EBF1: variants seen among roughly 807,000 people sequenced by gnomAD.
EBF1 encodes the protein transcription factor COE1.
In EBF1, 10 loss-of-function variants were observed where a neutral mutation model predicts 68.4. The observed-to-expected ratio is 0.15, with a 90% CI of 0.09 to 0.25. EBF1 has a LOEUF of 0.25. EBF1 is among the 10% of genes least tolerant of loss of function. The pLI is 1.00. For missense variants in EBF1, 509 were observed against 794.4 expected (o/e 0.64, Z 4.32); for synonymous variants, 298 against 299.8 (o/e 0.99, Z 0.06).
intron 6 of EBF1, among the ~76,000 whole-genome samples, chr5:158,939,765 G>A (rs1301341531): frequency 6.9e-6 from 1 of 144,062 alleles, no homozygotes; most frequent in Non-Finnish European, 1.5e-5. Context: ...GGGGGTGGGG[G>A]AGGCTGCGAG....
At chr5:159,077,380 A>G (rs1778964092) in intron 5 of EBF1, among the ~76,000 whole-genome samples, 1 of 152,192 alleles carries the variant, frequency 6.6e-6, no homozygotes, top group South Asian at 2.1e-4. Context: ...CGGAGGTTAC[A>G]GTGACCTGAT....
intron 6 of EBF1, among the ~76,000 whole-genome samples, chr5:158,840,425 T>C (rs1288314500): frequency 6.6e-6 from 1 of 152,170 alleles, no homozygotes; most frequent in East Asian, 1.9e-4. Flanking sequence ...TTGGATATAA[T>C]TGTCTGAGAA....
intron 10 of EBF1, among the ~76,000 whole-genome samples, chr5:158,748,266 A>G (rs561710476): frequency 1.3e-5 from 2 of 152,262 alleles, no homozygotes; most frequent in East Asian, 3.9e-4. Context: ...ATGGGAAATG[A>G]CACACGCTTC....
At chr5:158,707,882 CTGATACCCTCAGCAATGG>C in intron 15 of EBF1, 79 bp downstream of exon 15, 1 of 1,387,544 alleles carries the variant, frequency 7.2e-7, no homozygotes, top group East Asian at 2.5e-5. Flanking sequence ...GGGCCCAAGG[CTGATACCCTCAGCAATGG>C]TGATGCATCT....
chr5:158,764,741 T>C (rs1772272945), intron 10 of EBF1, among the ~76,000 whole-genome samples: 1 of 152,186 alleles, frequency 6.6e-6, no homozygotes, highest in Non-Finnish European at 1.5e-5. Context: ...ATTATGTTCA[T>C]AGAAAACTAA....
intron 6 of EBF1, among the ~76,000 whole-genome samples, chr5:158,949,987 C>T (rs925478815): frequency 8.5e-5 from 13 of 152,208 alleles, no homozygotes; most frequent in African/African-American, 1.2e-4. Flanking sequence ...GACAGGTTCA[C>T]GTTGTATCAC....
intron 6 of EBF1, among the ~76,000 whole-genome samples, chr5:159,041,631 T>C (rs1771218538): frequency 6.6e-6 from 1 of 152,216 alleles, no homozygotes; most frequent in Admixed American, 6.5e-5. Flanking sequence ...ACATTAGATA[T>C]TCACACCTGC....
intron 6 of EBF1, 66 bp from the exon 7 acceptor site, chr5:158,840,176 A>C (rs1789889351): frequency 4.1e-6 from 5 of 1,232,702 alleles, no homozygotes; most frequent in Non-Finnish European, 6.0e-6. Flanking sequence ...AAAAGAGGTA[A>C]GTCACCCCTG....
At chr5:159,019,262 C>A (rs1766204854) in intron 6 of EBF1, 1 of 152,202 alleles carries the variant, frequency 6.6e-6, no homozygotes, top group Admixed American at 6.5e-5. Flanking sequence ...TGTAAAAATT[C>A]TAAATCTCTG....
rs148613868 is a variant in EBF1 at position 158,867,598 on chromosome 5, A to C, written c.555-27488T>G. On this transcript the variant is annotated intron_variant, in intron 6 of 15. Transcript: ENST00000313708. Reference sequence around the variant, plus strand: ...AAGGCCTGAGATTTCCTTGGGAATCAATCTGCATACAAGGTCACAGCTCTG... The same window carrying C: ...AAGGCCTGAGATTTCCTTGGGAATCCATCTGCATACAAGGTCACAGCTCTG... Among the ~76,000 whole-genome samples, 1,051 of 152,274 alleles carry C rather than the reference A, an allele frequency of 6.9e-3. 8 individuals are homozygous for C. The highest frequency in any genetic ancestry group is 0.023 in the African/African-American group (967 of 41,558).
At chr5:158,773,326 A>G (rs1774285426) in intron 10 of EBF1, among the ~76,000 whole-genome samples, 1 of 152,198 alleles carries the variant, frequency 6.6e-6, no homozygotes, top group African/African-American at 2.4e-5. Flanking sequence ...TACAAACAGG[A>G]AGTATTTCCA....
intron 6 of EBF1, among the ~76,000 whole-genome samples, chr5:158,975,478 G>A (rs1025124716): frequency 3.5e-4 from 53 of 152,154 alleles, no homozygotes; most frequent in African/African-American, 1.1e-3. Flanking sequence ...TTTTTTAAAC[G>A]AAAGAGTTTT....
rs1804046164 is a variant in EBF1 at position 158,904,137 on chromosome 5, T to C, written c.555-64027A>G. On this transcript the variant is annotated intron_variant, in intron 6 of 15. Transcript: ENST00000313708. ...GCAAGGGGAAGGAATGCTTGAGTGG[T>C]GCCTCAGAGCTCACAGAGCCAATCT... Among the ~76,000 whole-genome samples, 4 of 152,308 alleles carry C rather than the reference T, an allele frequency of 2.6e-5. No homozygotes were observed. The South Asian group carries it at 8.3e-4, about 32-fold the overall frequency.
intron 6 of EBF1, among the ~76,000 whole-genome samples, chr5:159,040,886 T>C (rs1477880983): frequency 6.6e-6 from 1 of 152,208 alleles, no homozygotes; most frequent in Non-Finnish European, 1.5e-5. Flanking sequence ...GGGTGACATA[T>C]ACTCATGTAG....
At chr5:158,892,450 C>T (rs1801366339) in intron 6 of EBF1, among the ~76,000 whole-genome samples, 1 of 152,142 alleles carries the variant, frequency 6.6e-6, no homozygotes, top group Non-Finnish European at 1.5e-5. Flanking sequence ...GATTGTGCTA[C>T]TGCATTCCAT....
chr5:158,864,331 T>C (rs947678408), intron 6 of EBF1, among the ~76,000 whole-genome samples: 1 of 151,372 alleles, frequency 6.6e-6, no homozygotes, highest in Non-Finnish European at 1.5e-5. Flanking sequence ...TTACTTAAAA[T>C]CTCAAATAGT....
chr5:158,962,653 T>A (rs1753248908), intron 6 of EBF1, among the ~76,000 whole-genome samples: 1 of 152,168 alleles, frequency 6.6e-6, no homozygotes, highest in South Asian at 2.1e-4. Context: ...AGAATGAAAG[T>A]AAATACTTTT....
intron 8 of EBF1, 72 bp from the exon 9 acceptor site, chr5:158,796,547 G>A (rs1485895683): frequency 4.0e-5 from 58 of 1,444,634 alleles, no homozygotes; most frequent in African/African-American, 3.7e-4. Context: ...GAAGACTTGA[G>A]AAAAAGGAAA....
intron 6 of EBF1, among the ~76,000 whole-genome samples, chr5:159,003,564 T>C (rs752144034): frequency 3.3e-5 from 5 of 152,216 alleles, no homozygotes; most frequent in Non-Finnish European, 7.3e-5. Context: ...GATGATTTCC[T>C]CTTAAAATGA....
Sources: gnomAD v4.1 joint callset for allele counts (sites outside exome capture counted in the v4.1 genomes callset) on GRCh38, gnomAD v4.1.1 for gene constraint, MANE v1.5 for transcripts, NCBI Gene and HGNC (gene_info 2026-07-23, HGNC 2026-07-21) for gene names.